ANKRD13A: variants seen among roughly 807,000 people sequenced by gnomAD.
The protein encoded by ANKRD13A is ankyrin repeat domain 13A.
In ANKRD13A, 48 loss-of-function variants were observed where a neutral mutation model predicts 81.3. The observed-to-expected ratio is 0.59, with a 90% CI of 0.47 to 0.75. The LOEUF (loss-of-function observed/expected upper bound fraction) is 0.75, where lower values mean the gene tolerates loss of function less well. Among genes scored for constraint, ANKRD13A ranks in the 30% least tolerant of loss-of-function variants. The pLI is 0.00. For missense variants in ANKRD13A, 612 were observed against 734.0 expected (o/e 0.83, Z 1.92); for synonymous variants, 230 against 270.1 (o/e 0.85, Z 1.45).
Position 110,037,669 on chromosome 12 carries a change from C to A in ANKRD13A, c.*115C>A. The A allele has an allele frequency of 9.5e-7, 1 of 1,048,166 alleles. No individual in the cohort carries two copies. The highest frequency in any genetic ancestry group is 1.4e-6 in the Non-Finnish European group (1 of 738,972). The allele number at this position is 1,048,166 out of a possible 1,614,324, so 64.9% of individuals were successfully genotyped here. A position where few individuals can be genotyped will look rare whatever the true frequency, so the allele number is the denominator to read the frequency against. On this transcript the variant is annotated 3_prime_UTR_variant, in exon 15 of 15. Coordinates refer to ENST00000261739, the MANE Select transcript of ANKRD13A (RefSeq NM_033121.2). ...CACCTTGCGTGCATGCAGCAGGCAACAACTGCCCCTTCTTTATGCAGAGGT... is the reference window on the plus strand; with the variant it reads ...CACCTTGCGTGCATGCAGCAGGCAAAAACTGCCCCTTCTTTATGCAGAGGT...
At chr12:110,019,118 T>C in intron 5 of ANKRD13A, 21 bp from the exon 6 acceptor site, 1 of 1,556,436 alleles carries the variant, frequency 6.4e-7, no homozygotes, top group Non-Finnish European at 8.7e-7. Context: ...CACTTAGTTA[T>C]GCCTTTGTTT....
chr12:110,037,235 G>T, intron 14 of ANKRD13A, 124 bp from the exon 15 acceptor site: 1 of 947,230 alleles, frequency 1.1e-6, no homozygotes, highest in Non-Finnish European at 1.6e-6. Flanking sequence ...GGGATTAATT[G>T]GCATCATGCA....
Position 110,019,267 on chromosome 12 carries a change from C to T in ANKRD13A, c.673C>T (p.Arg225Trp), listed in dbSNP as rs142252344. 1.7e-4 allele frequency: 268 copies of T among 1,613,966 alleles called. No individual in the cohort carries two copies. The highest frequency in any genetic ancestry group is 2.1e-4 in the Non-Finnish European group (243 of 1,179,900). The stretch of plus-strand genomic sequence containing the variant: ...GAAGCCAAAAAGCAGGGAAGTTGAG[C>T]GGCGGCTCACAAGCCCTGTCATTAA... ...LMKPKSREVERRLTSPVINTS... is the reference protein window; with the variant it reads ...LMKPKSREVEWRLTSPVINTS... Residue 225 changes from arginine to tryptophan, a missense_variant, in exon 6 of 15, where the codon CGG becomes TGG. By Grantham distance (101) the Arg-to-Trp change is moderately radical. Coordinates refer to ENST00000261739, the MANE Select transcript of ANKRD13A (RefSeq NM_033121.2).
At chr12:110,003,370 A>G (rs1890076576) in intron 1 of ANKRD13A, among the ~76,000 whole-genome samples, 1 of 152,196 alleles carries the variant, frequency 6.6e-6, no homozygotes, top group South Asian at 2.1e-4. Context: ...TCGCTGAGCC[A>G]TGGGCTAGGC....
At chr12:110,013,371 C>G in intron 3 of ANKRD13A, 122 bp downstream of exon 3, 1 of 1,198,578 alleles carries the variant, frequency 8.3e-7, no homozygotes, top group Non-Finnish European at 1.2e-6. Context: ...ATATGAAATA[C>G]TCAATACCAA....
intron 6 of ANKRD13A, among the ~76,000 whole-genome samples, chr12:110,019,774 T>TGTTG (rs1890983235): frequency 6.8e-6 from 1 of 147,726 alleles, no homozygotes; most frequent in Non-Finnish European, 1.5e-5. Context: ...GTTAAATGTT[T>TGTTG]GTTTGTTTGT....
chr12:110,030,557 C>T, intron 11 of ANKRD13A, 88 bp from the exon 12 acceptor site: 1 of 655,990 alleles, frequency 1.5e-6, no homozygotes, highest in Admixed American at 3.3e-5. Flanking sequence ...TATCAAAGTA[C>T]TTGGCATAGT....
In ANKRD13A at chr12:110,036,281, G is replaced by A. The variant is rs377322373; in HGVS notation, c.1530G>A (p.Ser510=). Residue 510 remains serine, a synonymous_variant, in exon 14 of 15, where the codon TCG becomes TCA. Transcript: ENST00000261739. This position sits in a 1 kb window ranked among gnomAD's most constrained non-coding sequence, Gnocchi z 4.6. ...GCCAGGAACTTTCAGGACCAGCTTC[G>A]AATGGAGGGATCAGCCAGACAAACA... The part of the protein sequence containing the change: ...SRSQELSGPA[S]NGGISQTNTY... The A allele has an allele frequency of 2.5e-5, 40 of 1,613,864 alleles. No homozygotes were observed. The highest frequency in any genetic ancestry group is 1.8e-4 in the Admixed American group (11 of 59,996).
chr12:110,000,614 G>A (rs988681330), intron 1 of ANKRD13A, among the ~76,000 whole-genome samples: 15 of 152,122 alleles, frequency 9.9e-5, no homozygotes, highest in African/African-American at 3.1e-4. Context: ...TGGGGAGTGG[G>A]TGCTTCTGGT....
At chr12:110,034,529 T>A (rs911274407) in intron 13 of ANKRD13A, among the ~76,000 whole-genome samples, 2 of 152,186 alleles carry the variant, frequency 1.3e-5, no homozygotes, top group Admixed American at 6.5e-5. Flanking sequence ...CTCAAACTCC[T>A]GGGTTCAAGA....
intron 1 of ANKRD13A, among the ~76,000 whole-genome samples, chr12:110,008,427 C>T (rs1037729787): frequency 8.5e-5 from 13 of 152,088 alleles, no homozygotes; most frequent in African/African-American, 3.1e-4. Context: ...ATTTTTGCAT[C>T]TATATCATAA....
rs916926439 is a variant in ANKRD13A at position 110,030,710 on chromosome 12, G to A, written c.1300G>A (p.Ala434Thr). Residue 434 changes from alanine to threonine, a missense_variant, in exon 12 of 15, where the codon GCC (alanine) becomes ACC (threonine). Coordinates refer to ENST00000261739, the MANE Select transcript of ANKRD13A (RefSeq NM_033121.2). The part of the protein sequence containing the change: ...TFGNVNGCST[A>T]EESVSQNVEG... ...TGGAAATGTTAATGGCTGTAGCACT[G>A]CCGAAGAATCTGTATCTCAAAATGT... The A allele has an allele frequency of 1.2e-6, 2 of 1,610,280 alleles. No individual in the cohort carries two copies. The highest frequency in any genetic ancestry group is 1.7e-6 in the Non-Finnish European group (2 of 1,177,986).
chr12:110,026,321 C>G (rs188326865), intron 8 of ANKRD13A, among the ~76,000 whole-genome samples: 2,486 of 150,318 alleles, frequency 0.017, 35 homozygotes, highest in South Asian at 0.055. Flanking sequence ...TGCTTGTAAT[C>G]CCAACACTTT....
At chr12:110,031,613 A>G (rs1428443543) in intron 12 of ANKRD13A, among the ~76,000 whole-genome samples, 1 of 152,150 alleles carries the variant, frequency 6.6e-6, no homozygotes, top group East Asian at 1.9e-4. Context: ...GGCCTCCCAA[A>G]GTGCTAGTGT....
At position 110,013,166 on chromosome 12, in the gene ANKRD13A, T is replaced by A. The variant is rs147398713; in HGVS notation, c.271T>A (p.Tyr91Asn). Reference protein sequence around the residue: ...AVSTGDPEMVYTVLQHRDYHN... With the variant: ...AVSTGDPEMVNTVLQHRDYHN... ...GAGCACTGGCGATCCTGAGATGGTG[T>A]ACACAGTTCTCCAACATCGAGACTA... Residue 91 changes from tyrosine to asparagine, a missense_variant, in exon 3 of 15, where the codon TAC becomes AAC. Coordinates refer to ENST00000261739, the MANE Select transcript of ANKRD13A (RefSeq NM_033121.2). 1.1e-4 allele frequency: 182 copies of A among 1,614,076 alleles called. No individual in the cohort carries two copies. Among genetic ancestry groups the A allele is most frequent in the Non-Finnish European group, 1.5e-4 (173 of 1,180,022 alleles).
At chr12:110,007,358 C>G (rs754940501) in intron 1 of ANKRD13A, among the ~76,000 whole-genome samples, 2 of 151,970 alleles carry the variant, frequency 1.3e-5, no homozygotes, top group Non-Finnish European at 2.9e-5. Context: ...TTTAGGTCTT[C>G]TTTAATTTTT....
At chr12:110,029,751 T>A in intron 11 of ANKRD13A, 116 bp downstream of exon 11, 1 of 1,211,078 alleles carries the variant, frequency 8.3e-7, no homozygotes, top group Non-Finnish European at 1.2e-6. Context: ...AAGTAGCTTA[T>A]AGACATAACA....
intron 5 of ANKRD13A, 30 bp from the exon 6 acceptor site, chr12:110,019,109 A>C (rs370743235): frequency 1.9e-6 from 3 of 1,543,588 alleles, no homozygotes; most frequent in African/African-American, 2.8e-5. Context: ...CCTACTTTGC[A>C]CTTAGTTATG....
At position 110,030,177 on chromosome 12, in the gene ANKRD13A, T is replaced by A. The variant is rs535247104; in HGVS notation, c.1235-468T>A. Among the ~76,000 whole-genome samples, 6 of 152,188 alleles carry A rather than the reference T, an allele frequency of 3.9e-5. No individual in the cohort carries two copies. The East Asian group carries it at 1.2e-3, about 29-fold the overall frequency. Reference sequence around the variant, plus strand: ...AAATACATAACTCATTTTCTCTTTTTTTTTTTTGAGATGGAGTCTCGCTCT... The same window carrying A: ...AAATACATAACTCATTTTCTCTTTTATTTTTTTGAGATGGAGTCTCGCTCT... On this transcript the variant is annotated intron_variant, in intron 11 of 14. Transcript: ENST00000261739.
Sources: gnomAD v4.1 joint callset for allele counts (sites outside exome capture counted in the v4.1 genomes callset) on GRCh38, gnomAD v4.1.1 for gene constraint, Gnocchi (gnomAD v3.1) non-coding constraint, MANE v1.5 for transcripts, NCBI Gene and HGNC (gene_info 2026-07-23, HGNC 2026-07-21) for gene names.